WWC2: variants seen among roughly 807,000 people sequenced by gnomAD.
WWC2 encodes the protein protein WWC2.
Under a neutral mutation model 138.5 loss-of-function variants are expected in WWC2, and 101 were observed. The observed-to-expected ratio is 0.73, with a 90% CI of 0.62 to 0.86. The LOEUF (loss-of-function observed/expected upper bound fraction) is 0.86. Among genes scored for constraint, WWC2 ranks in the 40% least tolerant of loss-of-function variants. WWC2 has a pLI of 0.00. For missense variants in WWC2, 1,420 were observed against 1,419.4 expected, an observed-to-expected ratio of 1.00 and a Z score of -0.01; for synonymous variants, 558 against 538.4, an observed-to-expected ratio of 1.04 and a Z score of -0.50.
chr4:183,147,750 G>A (rs1373571918), intron 1 of WWC2, among the ~76,000 whole-genome samples: 1 of 152,146 alleles, frequency 6.6e-6, no homozygotes, highest in East Asian at 1.9e-4. Context: ...TTAAAACAAA[G>A]GATTGTCTGC....
chr4:183,180,965 T>C (rs570795415), intron 1 of WWC2, among the ~76,000 whole-genome samples: 2 of 152,324 alleles, frequency 1.3e-5, no homozygotes, highest in Admixed American at 6.5e-5. Flanking sequence ...TTTACTACCA[T>C]AAAATATACA....
Position 183,145,170 on chromosome 4 carries a change from G to A in WWC2, c.131+45548G>A, listed in dbSNP as rs1020186842. Among the ~76,000 whole-genome samples, 8 of 152,268 alleles carry A rather than the reference G, an allele frequency of 5.3e-5. No individual in the cohort carries two copies. In the South Asian group the frequency reaches 1.2e-3, roughly 24 times the overall value. ...AGATTACTGACTTTGTAGCCCTGTG[G>A]CAAGTTTCTTTGCCTCTTGCCCTCA... On this transcript the variant is annotated intron_variant, in intron 1 of 22. Coordinates refer to ENST00000403733, the MANE Select transcript of WWC2 (RefSeq NM_024949.6).
At chr4:183,314,530 G>T (rs1205087560) in intron 22 of WWC2, among the ~76,000 whole-genome samples, 1 of 152,168 alleles carries the variant, frequency 6.6e-6, no homozygotes, top group Non-Finnish European at 1.5e-5. Flanking sequence ...ATCAGGCAGC[G>T]GTGGGGCCTG....
rs369113100 is a variant in WWC2 at position 183,282,841 on chromosome 4, A to G, written c.2818A>G (p.Asn940Asp). ...TSVPEMNEDG[N>D]RKESNCAKDL... ...TGTGCCTGAGATGAATGAAGACGGG[A>G]ACAGGAAAGAAAGCAACTGTGCCAA... The change falls in exon 18 of 23, where the codon AAC becomes GAC. Residue 940 changes from asparagine to aspartate, a missense_variant. Physicochemically the swap from Asn to Asp is conservative, Grantham distance 23. Coordinates refer to ENST00000403733, the MANE Select transcript of WWC2 (RefSeq NM_024949.6). The G allele has an allele frequency of 6.3e-7, 1 of 1,591,932 alleles. No individual in the cohort carries two copies. Among genetic ancestry groups the G allele is most frequent in the Non-Finnish European group, 8.6e-7 (1 of 1,168,818 alleles).
intron 1 of WWC2, among the ~76,000 whole-genome samples, chr4:183,160,911 C>G (rs1733944439): frequency 6.6e-6 from 1 of 152,084 alleles, no homozygotes; most frequent in African/African-American, 2.4e-5. Context: ...GGAACTTGTG[C>G]CACAGAAGAT....
chr4:183,269,511 T>C (rs1560878168), intron 15 of WWC2: 2 of 490,880 alleles, frequency 4.1e-6, no homozygotes, highest in South Asian at 1.5e-5. Context: ...TGTGTATATA[T>C]TATCTCATTT....
At chr4:183,127,558 G>A (rs972125435) in intron 1 of WWC2, among the ~76,000 whole-genome samples, 24 of 152,164 alleles carry the variant, frequency 1.6e-4, no homozygotes, top group Non-Finnish European at 4.4e-5. Context: ...CAAGTCTAGA[G>A]ACCTAATATA....
At chr4:183,277,078 C>A (rs1737882657) in intron 16 of WWC2, among the ~76,000 whole-genome samples, 1 of 150,478 alleles carries the variant, frequency 6.6e-6, no homozygotes, top group Non-Finnish European at 1.5e-5. Flanking sequence ...GCGCTGCACC[C>A]ACTAACTCAT....
At chr4:183,284,430 G>C (rs747261506) in intron 19 of WWC2, 40 bp downstream of exon 19, 1 of 1,597,036 alleles carries the variant, frequency 6.3e-7, no homozygotes, top group Admixed American at 1.7e-5. Flanking sequence ...TGGGACTGCA[G>C]CTTCTTCCCT....
chr4:183,243,120 A>G (rs930991460), intron 5 of WWC2, among the ~76,000 whole-genome samples: 1 of 152,208 alleles, frequency 6.6e-6, no homozygotes, highest in Non-Finnish European at 1.5e-5. Context: ...GCAGTCTTGA[A>G]CCAGTCCTGC....
At chr4:183,238,637 C>G (rs567351276) in intron 4 of WWC2, among the ~76,000 whole-genome samples, 95 of 152,236 alleles carry the variant, frequency 6.2e-4, no homozygotes, top group African/African-American at 2.3e-3. Context: ...TAGGGTTTTG[C>G]ACAAGCTCTT....
intron 5 of WWC2, among the ~76,000 whole-genome samples, chr4:183,241,937 G>A (rs1185263292): frequency 2.0e-5 from 3 of 152,162 alleles, no homozygotes; most frequent in African/African-American, 7.2e-5. Flanking sequence ...TAACAATGCT[G>A]TATTGTTTCA....
intron 1 of WWC2, among the ~76,000 whole-genome samples, chr4:183,125,652 T>C (rs768909769): frequency 1.3e-5 from 2 of 152,238 alleles, no homozygotes; most frequent in Non-Finnish European, 2.9e-5. Context: ...TGAAAACTTT[T>C]CATACTCAAC....
intron 22 of WWC2, among the ~76,000 whole-genome samples, chr4:183,314,568 T>G (rs1739372020): frequency 6.6e-6 from 1 of 152,236 alleles, no homozygotes; most frequent in Non-Finnish European, 1.5e-5. Flanking sequence ...CCACCCCAGC[T>G]GCTTGTTTCA....
At position 183,218,005 on chromosome 4, in the gene WWC2, A is replaced by G. The variant is rs927036881; in HGVS notation, c.522+8980A>G. On this transcript the variant is annotated intron_variant, in intron 4 of 22. Coordinates refer to ENST00000403733, the MANE Select transcript of WWC2 (RefSeq NM_024949.6). Reference sequence around the variant, plus strand: ...AAGAGAAAATCTTAAAAGTAGCCATAGAAAAAGTCATTATGTACAGTGGAA... The same window carrying G: ...AAGAGAAAATCTTAAAAGTAGCCATGGAAAAAGTCATTATGTACAGTGGAA... Among the ~76,000 whole-genome samples, 5 of 152,334 alleles carry G rather than the reference A, an allele frequency of 3.3e-5. 1 individual carries two copies. In the Middle Eastern group the frequency reaches 0.014, roughly 415 times the overall value.
At chr4:183,222,541 A>G (rs909621092) in intron 4 of WWC2, among the ~76,000 whole-genome samples, 2 of 152,180 alleles carry the variant, frequency 1.3e-5, no homozygotes, top group East Asian at 3.8e-4. Flanking sequence ...TAAATGAAAG[A>G]TATTTTAAAA....
chr4:183,142,609 G>T (rs983180857), intron 1 of WWC2, among the ~76,000 whole-genome samples: 2 of 152,202 alleles, frequency 1.3e-5, no homozygotes, highest in African/African-American at 2.4e-5. Flanking sequence ...TTCTTTTAGA[G>T]AATATATTTG....
intron 14 of WWC2, 55 bp from the exon 15 acceptor site, chr4:183,268,916 G>C (rs991758175): frequency 2.0e-6 from 3 of 1,481,754 alleles, no homozygotes; most frequent in African/African-American, 1.4e-5. Flanking sequence ...TGATAGCTGT[G>C]AATCTGGTAT....
chr4:183,266,818 G>A (rs1473374000), intron 14 of WWC2, among the ~76,000 whole-genome samples: 1 of 152,188 alleles, frequency 6.6e-6, no homozygotes, highest in African/African-American at 2.4e-5. Flanking sequence ...TACCCAGCCA[G>A]GTGAATGTTT....
Sources: gnomAD v4.1 joint callset for allele counts (sites outside exome capture counted in the v4.1 genomes callset) on GRCh38, gnomAD v4.1.1 for gene constraint, MANE v1.5 for transcripts, NCBI Gene and HGNC (gene_info 2026-07-23, HGNC 2026-07-21) for gene names.